CMIP: variants seen among roughly 807,000 people sequenced by gnomAD.
CMIP encodes C-Maf-inducing protein.
Under a neutral mutation model 97.3 loss-of-function variants are expected in CMIP, and 13 were observed. That is an observed-to-expected ratio of 0.13 (90% confidence interval 0.09 to 0.21). The LOEUF (loss-of-function observed/expected upper bound fraction) is 0.21, where lower values mean the gene tolerates loss of function less well. Ranked by LOEUF, CMIP falls within the 10% of genes least tolerant of loss-of-function variation. The probability of loss-of-function intolerance (pLI) is 1.00; values close to 1 mark genes in which losing one functional copy is unlikely to be tolerated. For missense variants in CMIP, 847 were observed against 1,024.9 expected (o/e 0.83, Z 2.37); for synonymous variants, 538 against 436.3 (o/e 1.23, Z -2.91).
At chr16:81,507,067 A>G (rs537901839) in intron 1 of CMIP, among the ~76,000 whole-genome samples, 31 of 152,210 alleles carry the variant, frequency 2.0e-4, no homozygotes, top group African/African-American at 7.0e-4. Context: ...CCTGGCTAAC[A>G]TGGTGAAACC....
intron 19 of CMIP, 74 bp from the exon 20 acceptor site, chr16:81,706,940 C>G: frequency 2.3e-6 from 3 of 1,329,176 alleles, no homozygotes; most frequent in East Asian, 2.3e-5. Context: ...TTGAGCTCCT[C>G]CAGCTTGGCC....
Position 81,581,959 on chromosome 16 carries a change from G to T in CMIP, c.301-25608G>T, listed in dbSNP as rs1214557216. ...ATGGGCTCACGGTTCTGCAGGCTGT[G>T]CAGAAAGCATGGCAGCATCAGCTTC... On this transcript the variant is annotated intron_variant, in intron 1 of 20. Coordinates refer to ENST00000537098, the MANE Select transcript of CMIP (RefSeq NM_198390.3). Among the ~76,000 whole-genome samples, 10 of 152,304 alleles carry T rather than the reference G, an allele frequency of 6.6e-5. No homozygotes were observed. The South Asian group carries it at 1.5e-3, about 22-fold the overall frequency.
At chr16:81,607,991 A>G (rs1026041938) in intron 2 of CMIP, among the ~76,000 whole-genome samples, 2 of 152,306 alleles carry the variant, frequency 1.3e-5, no homozygotes, top group East Asian at 1.9e-4. Flanking sequence ...CATTTTACAG[A>G]TGAGGAAACT....
In CMIP at chr16:81,453,427, C is replaced by T. The variant is rs946150033; in HGVS notation, c.300+7886C>T. On this transcript the variant is annotated intron_variant, in intron 1 of 20. Transcript: ENST00000537098. This position sits in a 1 kb window ranked among gnomAD's most constrained non-coding sequence, Gnocchi z 4.0. ...GTCATATGGAGAAGGAAGATCACAC[C>T]GGGACTGCTGCTAGCTTCTCTGGGT... 2.6e-5 allele frequency among the ~76,000 whole-genome samples: 4 copies of T among 152,156 alleles called. No homozygotes were observed. The highest frequency in any genetic ancestry group is 7.2e-5 in the African/African-American group (3 of 41,446).
intron 18 of CMIP, 115 bp downstream of exon 18, chr16:81,704,200 C>T: frequency 4.6e-6 from 3 of 656,852 alleles, no homozygotes; most frequent in Non-Finnish European, 7.3e-6. Context: ...CTGCCCCCTC[C>T]CCCTCCTTCC....
At chr16:81,512,987 T>C (rs2089842431) in intron 1 of CMIP, among the ~76,000 whole-genome samples, 1 of 152,232 alleles carries the variant, frequency 6.6e-6, no homozygotes, top group Non-Finnish European at 1.5e-5. Flanking sequence ...TCCGCCCTCC[T>C]CAGCGTCCCA....
chr16:81,451,240 A>G (rs1597442230), intron 1 of CMIP, among the ~76,000 whole-genome samples: 2 of 152,148 alleles, frequency 1.3e-5, no homozygotes, highest in Non-Finnish European at 2.9e-5. Context: ...TTCTCTTGGT[A>G]GTGAATAAGT....
chr16:81,620,801 C>T, intron 2 of CMIP, 75 bp from the exon 3 acceptor site: 1 of 1,573,682 alleles, frequency 6.4e-7, no homozygotes, highest in Non-Finnish European at 8.7e-7. Context: ...TGGGGGCTCA[C>T]ATGCTGGCCT....
At chr16:81,670,500 G>T (rs2092672293) in intron 8 of CMIP, among the ~76,000 whole-genome samples, 2 of 151,950 alleles carry the variant, frequency 1.3e-5, no homozygotes, top group Admixed American at 6.6e-5. Flanking sequence ...ACCCCTGGTG[G>T]TCCCAGAGCG....
At chr16:81,455,088 A>T (rs1489046759) in intron 1 of CMIP, among the ~76,000 whole-genome samples, 2 of 152,212 alleles carry the variant, frequency 1.3e-5, no homozygotes, top group Non-Finnish European at 2.9e-5. Flanking sequence ...AATGCTGGGT[A>T]AACCCATGCA....
At chr16:81,643,086 C>G (rs1475520857) in intron 3 of CMIP, among the ~76,000 whole-genome samples, 1 of 152,214 alleles carries the variant, frequency 6.6e-6, no homozygotes, top group Non-Finnish European at 1.5e-5. Context: ...TTGGCAGACA[C>G]AGTTCCACCC....
Position 81,514,972 on chromosome 16 carries a change from G to A in CMIP, c.300+69431G>A, listed in dbSNP as rs189081136. Among the ~76,000 whole-genome samples the A allele has an allele frequency of 1.7e-4, 26 of 152,292 alleles. No homozygotes were observed. The East Asian group carries it at 5.0e-3, about 29-fold the overall frequency. ...TGCGATGAACACTCCCCTGAGCATCGTTGTTCGAGGGCCTGCTGTGTGCCA... is the reference window on the plus strand; with the variant it reads ...TGCGATGAACACTCCCCTGAGCATCATTGTTCGAGGGCCTGCTGTGTGCCA... On this transcript the variant is annotated intron_variant, in intron 1 of 20. Coordinates refer to ENST00000537098, the MANE Select transcript of CMIP (RefSeq NM_198390.3).
intron 4 of CMIP, among the ~76,000 whole-genome samples, chr16:81,656,432 A>C (rs2092482796): frequency 6.6e-6 from 1 of 152,216 alleles, no homozygotes; most frequent in Admixed American, 6.5e-5. Context: ...TCTTTTAGGA[A>C]ATACGAATTG....
chr16:81,638,027 A>AC (rs200793545), intron 3 of CMIP, among the ~76,000 whole-genome samples: 3,152 of 150,322 alleles, frequency 0.021, 103 homozygotes, highest in African/African-American at 0.073. Flanking sequence ...ACCTCCTAAC[A>AC]CCCCCCCCAC....
At chr16:81,474,866 G>T (rs1567533837) in intron 1 of CMIP, among the ~76,000 whole-genome samples, 2 of 152,264 alleles carry the variant, frequency 1.3e-5, no homozygotes, top group Admixed American at 6.5e-5. Context: ...TGGGGGGCGG[G>T]CGGGGAGGGA....
At chr16:81,549,228 T>A (rs1310005831) in intron 1 of CMIP, among the ~76,000 whole-genome samples, 1 of 152,220 alleles carries the variant, frequency 6.6e-6, no homozygotes, top group Non-Finnish European at 1.5e-5. Flanking sequence ...AGCACCTGGG[T>A]GACCAGCCTG....
At chr16:81,684,825 C>T (rs934569046) in intron 10 of CMIP, among the ~76,000 whole-genome samples, 2 of 151,344 alleles carry the variant, frequency 1.3e-5, no homozygotes, top group Admixed American at 6.5e-5. Context: ...CTTCTTTTCT[C>T]CTTCCTAGGT....
chr16:81,678,120 G>A (rs1904457220), intron 9 of CMIP, among the ~76,000 whole-genome samples, 155 bp from the exon 10 acceptor site: 1 of 152,154 alleles, frequency 6.6e-6, no homozygotes, highest in African/African-American at 2.4e-5. Context: ...GTGCACCCAG[G>A]CTGAGCCTCA....
intron 1 of CMIP, among the ~76,000 whole-genome samples, chr16:81,550,699 G>A (rs1163526830): frequency 2.6e-5 from 4 of 152,094 alleles, no homozygotes; most frequent in Admixed American, 6.5e-5. Context: ...TGAAGTCAGG[G>A]GCTTTGGTGA....
Sources: gnomAD v4.1 joint callset for allele counts (sites outside exome capture counted in the v4.1 genomes callset) on GRCh38, gnomAD v4.1.1 for gene constraint, Gnocchi (gnomAD v3.1) non-coding constraint, MANE v1.5 for transcripts, NCBI Gene and HGNC (gene_info 2026-07-23, HGNC 2026-07-21) for gene names.